Variants in MCU observed in about 807,000 individuals in gnomAD.
MCU encodes calcium uniporter protein, mitochondrial.
In MCU, 12 loss-of-function variants were observed where a neutral mutation model predicts 45.2. That is an observed-to-expected ratio of 0.27 (90% confidence interval 0.17 to 0.43). The LOEUF (loss-of-function observed/expected upper bound fraction) is 0.43, where lower values mean the gene tolerates loss of function less well. MCU is among the 20% of genes least tolerant of loss of function. The pLI is 1.00. For synonymous variants in MCU, 160 were observed against 165.1 expected (o/e 0.97, Z 0.24); for missense variants, 324 against 436.7 (o/e 0.74, Z 2.30).
Position 72,692,217 on chromosome 10 carries a change from C to T in MCU, c.66C>T (p.Gly22=), listed in dbSNP as rs1842631414. 8.0e-7 allele frequency: 1 copy of T among 1,248,828 alleles called. No individual in the cohort carries two copies. The highest frequency in any genetic ancestry group is 3.1e-5 in the East Asian group (1 of 31,884). The allele number at this position is 1,248,828 out of a possible 1,614,324, so 77.4% of individuals were successfully genotyped here. A position where few individuals can be genotyped will look rare whatever the true frequency, so the allele number is the denominator to read the frequency against. The change falls in exon 1 of 8, where the codon GGC becomes GGT. Residue 22 remains glycine (G), a synonymous_variant. Coordinates refer to ENST00000373053, the MANE Select transcript of MCU (RefSeq NM_138357.3). ...LLSSRGGGGG[G]AGGCGALTAG... ...CCTCTCGGGGCGGCGGCGGCGGGGG[C>T]GCCGGCGGCTGCGGGGCGCTGACTG...
chr10:72,714,732 C>T (rs1027655328), intron 1 of MCU, among the ~76,000 whole-genome samples: 4 of 151,722 alleles, frequency 2.6e-5, no homozygotes, highest in African/African-American at 4.8e-5. Flanking sequence ...TTAGTAGAGA[C>T]GGGGTGTCTC....
At chr10:72,822,041 C>T (rs554077628) in intron 1 of MCU, among the ~76,000 whole-genome samples, 3 of 152,172 alleles carry the variant, frequency 2.0e-5, no homozygotes, top group Non-Finnish European at 2.9e-5. Flanking sequence ...TTTGGGAGGC[C>T]GAGGTGGGCA....
intron 1 of MCU, among the ~76,000 whole-genome samples, chr10:72,704,191 C>T (rs772757225): frequency 2.0e-5 from 3 of 152,106 alleles, no homozygotes; most frequent in Admixed American, 6.6e-5. Context: ...TAAGGAGCAT[C>T]TCACTGGACC....
chr10:72,881,628 G>A (rs1422084407), intron 6 of MCU, among the ~76,000 whole-genome samples: 1 of 152,240 alleles, frequency 6.6e-6, no homozygotes, highest in Middle Eastern at 3.4e-3. Flanking sequence ...ACCCTACAAA[G>A]GATCTATATC....
chr10:72,740,487 GACTA>G (rs1843311960), intron 1 of MCU, among the ~76,000 whole-genome samples: 2 of 152,034 alleles, frequency 1.3e-5, no homozygotes, highest in African/African-American at 4.8e-5. Context: ...ATAGTGAAAT[GACTA>G]GAATATACTA....
At chr10:72,834,649 A>T (rs1160636748) in intron 2 of MCU, among the ~76,000 whole-genome samples, 1 of 152,146 alleles carries the variant, frequency 6.6e-6, no homozygotes, top group East Asian at 1.9e-4. Flanking sequence ...TTAAGACTTT[A>T]TAGGTTAAAT....
At chr10:72,824,746 T>C (rs1275854576) in intron 1 of MCU, among the ~76,000 whole-genome samples, 2 of 152,206 alleles carry the variant, frequency 1.3e-5, no homozygotes, top group South Asian at 4.1e-4. Context: ...GTGATTTTTA[T>C]AGCAGCTGTT....
chr10:72,778,875 A>G (rs1396925034), intron 1 of MCU, among the ~76,000 whole-genome samples: 1 of 152,072 alleles, frequency 6.6e-6, no homozygotes, highest in African/African-American at 2.4e-5. Flanking sequence ...TTCAGTGGGG[A>G]AAAAAAACTT....
chr10:72,842,138 C>T (rs1228886555), intron 2 of MCU, among the ~76,000 whole-genome samples: 1 of 152,070 alleles, frequency 6.6e-6, no homozygotes, highest in South Asian at 2.1e-4. Context: ...ATTAGCTGGG[C>T]GTGGTGGCGC....
intron 2 of MCU, among the ~76,000 whole-genome samples, chr10:72,854,038 G>A (rs1309361309): frequency 6.6e-6 from 1 of 152,136 alleles, no homozygotes; most frequent in Non-Finnish European, 1.5e-5. Flanking sequence ...GGAGGCTGAG[G>A]CAGGAGAATC....
At chr10:72,839,201 G>C (rs543621766) in intron 2 of MCU, among the ~76,000 whole-genome samples, 216 of 152,134 alleles carry the variant, frequency 1.4e-3, no homozygotes, top group Non-Finnish European at 2.6e-3. Flanking sequence ...TGTTGGCCAC[G>C]CTGGTCTCGA....
chr10:72,779,555 A>C (rs1453543374), intron 1 of MCU, among the ~76,000 whole-genome samples: 1 of 152,218 alleles, frequency 6.6e-6, no homozygotes, highest in Non-Finnish European at 1.5e-5. Context: ...TTGCATCCAG[A>C]ATTTTTTTTA....
chr10:72,881,292 T>C (rs538526415), intron 6 of MCU, among the ~76,000 whole-genome samples: 8 of 152,344 alleles, frequency 5.3e-5, no homozygotes, highest in Admixed American at 3.3e-4. Context: ...ATAGGTAATG[T>C]ATAGCTATTC....
intron 1 of MCU, among the ~76,000 whole-genome samples, chr10:72,812,021 C>G (rs79563031): frequency 0.019 from 2,848 of 151,398 alleles, 86 homozygotes; most frequent in African/African-American, 0.066. Flanking sequence ...AAAACAGTTT[C>G]CTATATTGAA....
intron 1 of MCU, among the ~76,000 whole-genome samples, chr10:72,701,275 T>C (rs1477045587): frequency 6.6e-6 from 1 of 152,212 alleles, no homozygotes; most frequent in African/African-American, 2.4e-5. Context: ...TAATTTTTAC[T>C]ATAACCCTAT....
chr10:72,795,859 G>A (rs578028628), intron 1 of MCU, among the ~76,000 whole-genome samples: 1 of 152,204 alleles, frequency 6.6e-6, no homozygotes, highest in Non-Finnish European at 1.5e-5. Flanking sequence ...TTAGCCGGGT[G>A]TGGTGGCGGG....
chr10:72,790,943 G>A (rs962896502), intron 1 of MCU, among the ~76,000 whole-genome samples: 9 of 152,120 alleles, frequency 5.9e-5, no homozygotes, highest in African/African-American at 2.2e-4. Flanking sequence ...TATTTTGGAA[G>A]CATTTTAAAA....
chr10:72,816,223 T>C (rs1279188604), intron 1 of MCU, among the ~76,000 whole-genome samples: 4 of 152,198 alleles, frequency 2.6e-5, no homozygotes, highest in Admixed American at 6.5e-5. Flanking sequence ...GTATGCCATA[T>C]GATTCAACAC....
chr10:72,775,785 C>T (rs910774921), intron 1 of MCU, among the ~76,000 whole-genome samples: 3 of 152,082 alleles, frequency 2.0e-5, no homozygotes, highest in African/African-American at 7.2e-5. Flanking sequence ...AGGATAAATT[C>T]CTGGATACCG....
Sources: gnomAD v4.1 joint callset for allele counts (sites outside exome capture counted in the v4.1 genomes callset) on GRCh38, gnomAD v4.1.1 for gene constraint, MANE v1.5 for transcripts, NCBI Gene and HGNC (gene_info 2026-07-23, HGNC 2026-07-21) for gene names.